The following EPHB2 variants were observed in gnomAD, a reference collection of about 807,000 sequenced individuals.
The protein encoded by EPHB2 is ephrin type-B receptor 2.
In EPHB2, 18 loss-of-function variants were observed where a neutral mutation model predicts 96.4. That is an observed-to-expected ratio of 0.19 (90% CI 0.13 to 0.28). The LOEUF is 0.28. Among genes scored for constraint, EPHB2 ranks in the 10% least tolerant of loss-of-function variants. The probability of loss-of-function intolerance (pLI) is 1.00; values close to 1 mark genes in which losing one functional copy is unlikely to be tolerated. For missense variants in EPHB2, 989 were observed against 1,355.4 expected (o/e 0.73, Z 4.25); for synonymous variants, 506 against 534.1 (o/e 0.95, Z 0.72).
intron 1 of EPHB2, among the ~76,000 whole-genome samples, chr1:22,752,024 G>A (rs765641158): frequency 1.1e-4 from 16 of 152,308 alleles, no homozygotes; most frequent in Non-Finnish European, 1.5e-4. Flanking sequence ...CACTAGTTCC[G>A]TGTGGCCTTG....
intron 1 of EPHB2, among the ~76,000 whole-genome samples, chr1:22,752,947 CT>C (rs1356542728): frequency 6.6e-6 from 1 of 151,654 alleles, no homozygotes; most frequent in African/African-American, 2.4e-5. Context: ...TCATGCTGGG[CT>C]ATGTTTTTTT....
chr1:22,836,629 A>G (rs1645389779), intron 3 of EPHB2: 1 of 152,324 alleles, frequency 6.6e-6, no homozygotes, highest in Admixed American at 6.5e-5. Context: ...ATCCCGCCAG[A>G]TGGCTGAAAT....
At chr1:22,746,213 T>G (rs927397022) in intron 1 of EPHB2, among the ~76,000 whole-genome samples, 9 of 152,148 alleles carry the variant, frequency 5.9e-5, no homozygotes, top group African/African-American at 2.2e-4. Context: ...CCCACAGACA[T>G]GGGGCAACTG....
At chr1:22,791,265 T>A (rs1177405320) in intron 3 of EPHB2, among the ~76,000 whole-genome samples, 2 of 152,072 alleles carry the variant, frequency 1.3e-5, no homozygotes, top group African/African-American at 4.8e-5. Context: ...ATTTGTAGAA[T>A]CTTTAGAAAT....
rs1407717635 is a variant in EPHB2 at position 22,860,816 on chromosome 1, G to A, written c.812-2221G>A. 6.6e-6 allele frequency among the ~76,000 whole-genome samples: 1 copy of A among 152,172 alleles called. No individual in the cohort carries two copies. Among genetic ancestry groups the A allele is most frequent in the Non-Finnish European group, 1.5e-5 (1 of 68,024 alleles). On this transcript the variant is annotated intron_variant, in intron 3 of 15. Transcript: ENST00000374630. This position sits in a 1 kb window ranked among gnomAD's most constrained non-coding sequence, Gnocchi z 4.6. Reference sequence around the variant, plus strand: ...AGAGGCCGACTGCTCGACCAGAGCTGGGGCTGCAGCCTGCATGTCCTGACT... The same window carrying A: ...AGAGGCCGACTGCTCGACCAGAGCTAGGGCTGCAGCCTGCATGTCCTGACT...
intron 1 of EPHB2, among the ~76,000 whole-genome samples, chr1:22,744,983 G>C (rs1341535431): frequency 6.6e-6 from 1 of 152,246 alleles, no homozygotes; most frequent in East Asian, 1.9e-4. Flanking sequence ...GAGGAGGAGA[G>C]GTTGGTCTTG....
intron 5 of EPHB2, among the ~76,000 whole-genome samples, chr1:22,868,574 C>A (rs1029070545): frequency 6.6e-6 from 1 of 152,198 alleles, no homozygotes. Flanking sequence ...CAGCCTATTT[C>A]ATGTGTCTCC....
chr1:22,908,209 G>C, intron 12 of EPHB2, 41 bp downstream of exon 12: 1 of 1,610,686 alleles, frequency 6.2e-7, no homozygotes, highest in Non-Finnish European at 8.5e-7. Flanking sequence ...CAGAGCCAGA[G>C]AAGAGGGCAT....
chr1:22,914,055 A>G lies in EPHB2; in HGVS notation c.*485A>G. 1.4e-6 allele frequency: 1 copy of G among 732,042 alleles called. No homozygotes were observed. The allele number at this position is 732,042 out of a possible 1,614,324, so 45.3% of individuals were successfully genotyped here. A position where few individuals can be genotyped will look rare whatever the true frequency, so the allele number is the denominator to read the frequency against. The stretch of plus-strand genomic sequence containing the variant: ...CTGCTCCTCTAGGCCTCACTCAACA[A>G]CCAAGCGCCTGGAGGACGGGACAGA... On this transcript the variant is annotated 3_prime_UTR_variant, in exon 16 of 16. Transcript: ENST00000374630.
intron 3 of EPHB2, among the ~76,000 whole-genome samples, chr1:22,825,681 G>C (rs1412242926): frequency 1.3e-5 from 2 of 152,226 alleles, no homozygotes; most frequent in Admixed American, 6.5e-5. Context: ...AGAACTAAGT[G>C]GGAGCCAGGG....
At chr1:22,743,811 G>A (rs149048362) in intron 1 of EPHB2, among the ~76,000 whole-genome samples, 6 of 152,330 alleles carry the variant, frequency 3.9e-5, no homozygotes, top group African/African-American at 1.4e-4. Flanking sequence ...AAAGCTCTGA[G>A]TACAGTGCCT....
chr1:22,869,956 A>G (rs1638605695), intron 5 of EPHB2, among the ~76,000 whole-genome samples: 1 of 152,154 alleles, frequency 6.6e-6, no homozygotes, highest in South Asian at 2.1e-4. Context: ...AGGGGGCTGC[A>G]CCACAGTGAA....
intron 5 of EPHB2, among the ~76,000 whole-genome samples, chr1:22,873,272 G>A (rs1353885974): frequency 2.0e-5 from 3 of 152,282 alleles, no homozygotes; most frequent in Admixed American, 6.5e-5. Flanking sequence ...GTTTTGTCAC[G>A]TTTGGGGGTT....
chr1:22,765,546 CA>C (rs10667863), intron 1 of EPHB2, among the ~76,000 whole-genome samples: 7 of 115,198 alleles, frequency 6.1e-5, no homozygotes, highest in Admixed American at 1.8e-4. Flanking sequence ...GACCCTGTCG[CA>C]AAAAAAAAAA....
Position 22,858,535 on chromosome 1 carries a change from C to T in EPHB2, c.812-4502C>T, listed in dbSNP as rs924676356. Among the ~76,000 whole-genome samples, 2 of 152,178 alleles carry T rather than the reference C, an allele frequency of 1.3e-5. No individual in the cohort carries two copies. Among genetic ancestry groups the T allele is most frequent in the Non-Finnish European group, 2.9e-5 (2 of 68,036 alleles). On this transcript the variant is annotated intron_variant, in intron 3 of 15. Coordinates refer to ENST00000374630, the MANE Select transcript of EPHB2 (RefSeq NM_017449.5). The surrounding 1 kb of genome is among the most constrained non-coding windows in gnomAD (Gnocchi z 7.7). Reference sequence around the variant, plus strand: ...AAAGGGGAGGAGGCCTTCCCAAGCCCACACGCCCGTCAGAGGTACAACTGC... The same window carrying T: ...AAAGGGGAGGAGGCCTTCCCAAGCCTACACGCCCGTCAGAGGTACAACTGC...
chr1:22,817,253 T>G (rs1645087890), intron 3 of EPHB2, among the ~76,000 whole-genome samples: 1 of 152,250 alleles, frequency 6.6e-6, no homozygotes, highest in South Asian at 2.1e-4. Flanking sequence ...GATTAGACCA[T>G]AAACTCTTCT....
At chr1:22,828,360 G>A (rs1243238844) in intron 3 of EPHB2, among the ~76,000 whole-genome samples, 3 of 152,206 alleles carry the variant, frequency 2.0e-5, no homozygotes, top group South Asian at 2.1e-4. Context: ...GGAAGCAGTC[G>A]AGGCATCCGG....
intron 1 of EPHB2, chr1:22,775,046 C>T: frequency 1.5e-6 from 1 of 662,258 alleles, no homozygotes; most frequent in Admixed American, 2.2e-5. Flanking sequence ...CCCTGCTGCC[C>T]TCCTCCTGCC....
intron 3 of EPHB2, among the ~76,000 whole-genome samples, chr1:22,826,483 C>T (rs1645225665): frequency 6.6e-6 from 1 of 152,176 alleles, no homozygotes; most frequent in South Asian, 2.1e-4. Context: ...TTGGTTTTGA[C>T]CAGTTCTAAA....
Sources: allele counts gnomAD v4.1 joint callset (sites outside exome capture counted in the v4.1 genomes callset), GRCh38; gene constraint gnomAD v4.1.1; non-coding constraint Gnocchi (gnomAD v3.1); transcripts MANE v1.5; gene names NCBI Gene and HGNC (gene_info 2026-07-23, HGNC 2026-07-21).